FXYD6: variants seen among roughly 807,000 people sequenced by gnomAD.
FXYD6 encodes FXYD domain-containing ion transport regulator 6.
Under a neutral mutation model 16.7 loss-of-function variants are expected in FXYD6, and 7 were observed. That is an observed-to-expected ratio of 0.42 (90% CI 0.24 to 0.79). The LOEUF (loss-of-function observed/expected upper bound fraction) is 0.79, where lower values mean the gene tolerates loss of function less well. Ranked by LOEUF, FXYD6 falls within the 30% of genes least tolerant of loss-of-function variation. The pLI is 0.28. For missense variants in FXYD6, 111 were observed against 116.2 expected (o/e 0.95, Z 0.21); for synonymous variants, 49 against 43.0 (o/e 1.14, Z -0.54).
chr11:117,868,545 G>T (rs1453569543), intron 1 of FXYD6, among the ~76,000 whole-genome samples: 1 of 152,092 alleles, frequency 6.6e-6, no homozygotes, highest in Non-Finnish European at 1.5e-5. Context: ...CCACCCAGAG[G>T]CACCAAAAGA....
At chr11:117,861,142 G>A (rs912855341) in intron 1 of FXYD6, among the ~76,000 whole-genome samples, 1 of 152,220 alleles carries the variant, frequency 6.6e-6, no homozygotes, top group Admixed American at 6.5e-5. Flanking sequence ...GTCAGATGAG[G>A]TGGTCTTTGT....
intron 1 of FXYD6, chr11:117,869,219 A>G (rs550113947): frequency 8.5e-5 from 13 of 152,420 alleles, no homozygotes; most frequent in Admixed American, 7.8e-4. Flanking sequence ...GGGAAAGGAC[A>G]GAGCAGAGGG....
intron 1 of FXYD6, among the ~76,000 whole-genome samples, chr11:117,861,053 G>A (rs1283119979): frequency 6.6e-6 from 1 of 152,180 alleles, no homozygotes; most frequent in East Asian, 1.9e-4. Context: ...GGCCTCGGGA[G>A]CGTTACTTGG....
chr11:117,840,685 T>C lies in FXYD6; in HGVS notation c.210-317A>G, dbSNP rs553857087. Among the ~76,000 whole-genome samples the C allele has an allele frequency of 4.3e-4, 65 of 152,246 alleles. 1 individual carries two copies. The highest frequency in any genetic ancestry group is 1.5e-3 in the African/African-American group (61 of 41,544). ...GGGTCCAAGCTACCCTTGGCTATTA[T>C]AGTAAACTAATGGGGTATGACCTCT... is the stretch of plus-strand genomic sequence containing the variant. On this transcript the variant is annotated intron_variant, in intron 5 of 7. Coordinates refer to ENST00000526014, the MANE Select transcript of FXYD6 (RefSeq NM_022003.4).
intron 1 of FXYD6, among the ~76,000 whole-genome samples, chr11:117,865,862 G>T (rs1412839401): frequency 6.6e-6 from 1 of 152,140 alleles, no homozygotes; most frequent in Non-Finnish European, 1.5e-5. Context: ...GGGTGGTGGA[G>T]GTTGCAGTGA....
intron 1 of FXYD6, among the ~76,000 whole-genome samples, chr11:117,866,256 C>T (rs546203290): frequency 7.9e-5 from 12 of 151,876 alleles, no homozygotes; most frequent in Non-Finnish European, 1.8e-4. Flanking sequence ...ATACTTACCT[C>T]GCTGCTGAAA....
At chr11:117,853,567 G>A (rs746441642) in intron 1 of FXYD6, among the ~76,000 whole-genome samples, 1 of 152,078 alleles carries the variant, frequency 6.6e-6, no homozygotes, top group African/African-American at 2.4e-5. Context: ...GCACAATCTC[G>A]GCTCATTGCA....
At position 117,841,129 on chromosome 11, in the gene FXYD6, A is replaced by G; in HGVS notation, c.209+19T>C. 6.2e-7 allele frequency: 1 copy of G among 1,613,976 alleles called. No homozygotes were observed. Among genetic ancestry groups the G allele is most frequent in the South Asian group, 1.1e-5 (1 of 91,082 alleles). ...CACCTAGTATCACCCCCCCAAGGCC[A>G]CTGCCACGGCATCCTTACCGGGGCT... On this transcript the variant is annotated intron_variant, in intron 5 of 7. Coordinates refer to ENST00000526014, the MANE Select transcript of FXYD6 (RefSeq NM_022003.4).
chr11:117,857,769 GGA>G lies in FXYD6; in HGVS notation c.-5-14990_-5-14989del, dbSNP rs1353202223. 9.9e-5 allele frequency among the ~76,000 whole-genome samples: 15 copies of G among 152,222 alleles called. No homozygotes were observed. The East Asian group carries it at 2.9e-3, about 29-fold the overall frequency. On this transcript the variant is annotated intron_variant, in intron 1 of 7. Coordinates refer to ENST00000526014, the MANE Select transcript of FXYD6 (RefSeq NM_022003.4). ...CTTACTGTCTGGGAGGAAAATAGGG[GGA>G]GAGTGGTCTGATCTATTCGTGCTAA...
chr11:117,842,094 T>C (rs1193412545), intron 2 of FXYD6, 66 bp from the exon 3 acceptor site: 1 of 1,610,134 alleles, frequency 6.2e-7, no homozygotes, highest in African/African-American at 1.3e-5. Context: ...ATATCTAACC[T>C]TGCCTCACAG....
At chr11:117,853,264 AT>A (rs750484325) in intron 1 of FXYD6, among the ~76,000 whole-genome samples, 1 of 152,182 alleles carries the variant, frequency 6.6e-6, no homozygotes, top group Non-Finnish European at 1.5e-5. Flanking sequence ...TTCAGAGAGC[AT>A]TTGCTTTGCT....
chr11:117,842,694 A>G, intron 2 of FXYD6, 25 bp downstream of exon 2: 1 of 1,556,334 alleles, frequency 6.4e-7, no homozygotes, highest in East Asian at 2.4e-5. Flanking sequence ...ATCTTGTCAC[A>G]GCCAGGTCCC....
chr11:117,838,428 A>G (rs1290115033), intron 7 of FXYD6, among the ~76,000 whole-genome samples, 151 bp from the exon 8 acceptor site: 3 of 152,132 alleles, frequency 2.0e-5, no homozygotes, highest in Non-Finnish European at 4.4e-5. Context: ...GACACAGGGG[A>G]GGGGTGAACC....
At chr11:117,840,164 G>C in intron 6 of FXYD6, 155 bp downstream of exon 6, 1 of 897,570 alleles carries the variant, frequency 1.1e-6, no homozygotes. Context: ...GGTGGAGTGA[G>C]GGGGCAATGC....
intron 1 of FXYD6, among the ~76,000 whole-genome samples, chr11:117,864,547 G>A (rs955160976): frequency 4.0e-5 from 6 of 151,566 alleles, no homozygotes; most frequent in African/African-American, 1.5e-4. Flanking sequence ...TCTTGAATAG[G>A]ACAACAAAGG....
At chr11:117,852,890 T>C (rs1426301568) in intron 1 of FXYD6, among the ~76,000 whole-genome samples, 1 of 152,262 alleles carries the variant, frequency 6.6e-6, no homozygotes, top group Non-Finnish European at 1.5e-5. Context: ...CCTTTTTAAC[T>C]GTTTTTATTT....
intron 1 of FXYD6, among the ~76,000 whole-genome samples, chr11:117,855,713 G>T (rs567201643): frequency 7.9e-5 from 12 of 152,296 alleles, no homozygotes; most frequent in Admixed American, 5.2e-4. Flanking sequence ...ATCCAAGGCT[G>T]AAGTGAGCGG....
intron 1 of FXYD6, among the ~76,000 whole-genome samples, chr11:117,869,963 A>G (rs1422189486): frequency 6.6e-6 from 1 of 152,204 alleles, no homozygotes; most frequent in Non-Finnish European, 1.5e-5. Context: ...CACATCAGAT[A>G]TTCTGAACTG....
At chr11:117,856,576 C>T (rs1442471803) in intron 1 of FXYD6, among the ~76,000 whole-genome samples, 4 of 152,076 alleles carry the variant, frequency 2.6e-5, no homozygotes, top group Non-Finnish European at 4.4e-5. Flanking sequence ...TTTATGAGGC[C>T]GCAGAATGCC....
Sources: gnomAD v4.1 joint callset for allele counts (sites outside exome capture counted in the v4.1 genomes callset) on GRCh38, gnomAD v4.1.1 for gene constraint, MANE v1.5 for transcripts, NCBI Gene and HGNC (gene_info 2026-07-23, HGNC 2026-07-21) for gene names.